MMAA: variants seen among roughly 807,000 people sequenced by gnomAD.
The protein encoded by MMAA is methylmalonic aciduria type A protein, mitochondrial.
MMAA carries 41 observed loss-of-function variants against 45.0 expected under a neutral mutation model. The observed-to-expected ratio is 0.91, with a 90% CI of 0.71 to 1.18. The LOEUF is 1.18. Among genes scored for constraint, MMAA ranks in the 50% most tolerant of loss-of-function variants. The pLI is 0.00. For synonymous variants in MMAA, 154 were observed against 178.2 expected (o/e 0.86, Z 1.08); for missense variants, 460 against 495.7 (o/e 0.93, Z 0.68).
chr4:145,649,125 CAAA>C (rs201679920), intron 4 of MMAA, among the ~76,000 whole-genome samples: 204 of 89,864 alleles, frequency 2.3e-3, no homozygotes, highest in African/African-American at 5.9e-3. Context: ...TTGGTTCTAT[CAAA>C]AAAAAAAAAA....
chr4:145,643,892 A>G (rs945612903), intron 3 of MMAA, among the ~76,000 whole-genome samples: 3 of 152,200 alleles, frequency 2.0e-5, no homozygotes, highest in African/African-American at 7.2e-5. Context: ...TTAAAGTTAC[A>G]TAGCTATGTG....
intron 1 of MMAA, among the ~76,000 whole-genome samples, chr4:145,629,997 T>C (rs963984464): frequency 6.6e-6 from 1 of 152,128 alleles, no homozygotes; most frequent in African/African-American, 2.4e-5. Context: ...TTGGTTTGGG[T>C]ATCAGAGTAA....
intron 1 of MMAA, among the ~76,000 whole-genome samples, chr4:145,631,295 A>G (rs1317921949): frequency 6.6e-6 from 1 of 152,154 alleles, no homozygotes; most frequent in Non-Finnish European, 1.5e-5. Flanking sequence ...CTCTATCTCC[A>G]ATAATATTTG....
intron 4 of MMAA, among the ~76,000 whole-genome samples, chr4:145,649,125 C>CAAA (rs201679920): frequency 1.1e-3 from 96 of 89,886 alleles, no homozygotes; most frequent in Admixed American, 1.3e-3. Flanking sequence ...TTGGTTCTAT[C>CAAA]AAAAAAAAAA....
intron 1 of MMAA, among the ~76,000 whole-genome samples, chr4:145,623,806 T>G (rs1229208175): frequency 1.8e-4 from 28 of 152,222 alleles, no homozygotes; most frequent in Admixed American, 1.7e-3. Context: ...ATATTTCATT[T>G]TTAAAACTTG....
At chr4:145,630,843 T>C (rs1041900452) in intron 1 of MMAA, among the ~76,000 whole-genome samples, 1 of 152,252 alleles carries the variant, frequency 6.6e-6, no homozygotes, top group African/African-American at 2.4e-5. Context: ...GGTTTTGGTA[T>C]GATGTGTTTC....
chr4:145,645,800 G>C (rs552404430), intron 3 of MMAA, among the ~76,000 whole-genome samples, 186 bp from the exon 4 acceptor site: 9 of 152,280 alleles, frequency 5.9e-5, no homozygotes, highest in African/African-American at 2.2e-4. Flanking sequence ...TATAGATTTT[G>C]AGGGGCTTGA....
rs373180453 is a variant in MMAA at position 145,620,513 on chromosome 4, G to A, written c.-66+1106G>A. Among the ~76,000 whole-genome samples, 7 of 152,242 alleles carry A rather than the reference G, an allele frequency of 4.6e-5. No individual in the cohort carries two copies. In the East Asian group the frequency reaches 1.3e-3, roughly 29 times the overall value. ...TCTGTATTTTTACGTATTTTTTCTT[G>A]ATTTTTAATGTTACTTGCAACCAAT... On this transcript the variant is annotated intron_variant, in intron 1 of 6. Transcript: ENST00000649156.
At chr4:145,648,392 C>T (rs1016114067) in intron 4 of MMAA, among the ~76,000 whole-genome samples, 17 of 151,938 alleles carry the variant, frequency 1.1e-4, no homozygotes, top group African/African-American at 3.4e-4. Context: ...GTGATCCGCC[C>T]GCCTCGGCCT....
chr4:145,619,515 G>A (rs1334347544), intron 1 of MMAA, 108 bp downstream of exon 1: 2 of 152,284 alleles, frequency 1.3e-5, no homozygotes, highest in African/African-American at 2.4e-5. Flanking sequence ...CCCCCTGGAG[G>A]ATTTGGGGTG....
intron 3 of MMAA, 80 bp downstream of exon 3, chr4:145,642,565 G>C: frequency 6.3e-7 from 1 of 1,587,962 alleles, no homozygotes; most frequent in South Asian, 1.1e-5. Context: ...GCACAGTTGG[G>C]TGACCTCTAA....
At chr4:145,624,911 A>T (rs1316322690) in intron 1 of MMAA, 3 of 1,513,814 alleles carry the variant, frequency 2.0e-6, no homozygotes, top group African/African-American at 1.4e-5. Context: ...CCAAGTGGTC[A>T]TGCAGGCACT....
intron 1 of MMAA, among the ~76,000 whole-genome samples, chr4:145,620,610 G>T (rs527669402): frequency 1.3e-5 from 2 of 152,144 alleles, no homozygotes; most frequent in Non-Finnish European, 2.9e-5. Context: ...TTTCACCTTA[G>T]TACAGTCCTA....
At chr4:145,652,511 G>A (rs1380354165) in intron 5 of MMAA, among the ~76,000 whole-genome samples, 2 of 151,986 alleles carry the variant, frequency 1.3e-5, no homozygotes, top group Non-Finnish European at 2.9e-5. Context: ...GGCGGATCAC[G>A]AGGTCAGGAG....
intron 1 of MMAA, chr4:145,624,252 A>C: frequency 1.2e-6 from 1 of 803,138 alleles, no homozygotes; most frequent in Admixed American, 1.7e-5. Context: ...GGAGGCCATA[A>C]TGGTCTGGGG....
At chr4:145,640,778 C>T (rs1727758578) in intron 2 of MMAA, among the ~76,000 whole-genome samples, 1 of 152,102 alleles carries the variant, frequency 6.6e-6, no homozygotes, top group South Asian at 2.1e-4. Context: ...CATTGTAAAA[C>T]AATTTAGATA....
At chr4:145,651,261 T>G (rs1728080247) in intron 5 of MMAA, 114 bp downstream of exon 5, 2 of 906,702 alleles carry the variant, frequency 2.2e-6, no homozygotes, top group Non-Finnish European at 3.5e-6. Context: ...AAATGAAATA[T>G]CATTCATGTT....
intron 1 of MMAA, among the ~76,000 whole-genome samples, chr4:145,635,362 A>G (rs1727583867): frequency 6.6e-6 from 1 of 152,176 alleles, no homozygotes; most frequent in Non-Finnish European, 1.5e-5. Flanking sequence ...ACAGGGCGGC[A>G]CTGAGTTCAG....
chr4:145,621,690 C>T (rs1734092945), intron 1 of MMAA, among the ~76,000 whole-genome samples: 1 of 152,174 alleles, frequency 6.6e-6, no homozygotes, highest in Non-Finnish European at 1.5e-5. Context: ...CTTGGTACAA[C>T]ACTGCATTGC....
Sources: allele counts gnomAD v4.1 joint callset (sites outside exome capture counted in the v4.1 genomes callset), GRCh38; gene constraint gnomAD v4.1.1; transcripts MANE v1.5; gene names NCBI Gene and HGNC (gene_info 2026-07-23, HGNC 2026-07-21).